The following TRIQK variants were observed in gnomAD, a reference collection of about 807,000 sequenced individuals.
TRIQK encodes triple QxxK/R motif containing.
TRIQK carries 10 observed loss-of-function variants against 10.8 expected under a neutral mutation model. The observed-to-expected ratio is 0.92, with a 90% CI of 0.57 to 1.57. TRIQK has a LOEUF of 1.57. TRIQK is among the 40% of genes most tolerant of loss of function. The probability of loss-of-function intolerance (pLI) is 0.00; values close to 1 mark genes in which losing one functional copy is unlikely to be tolerated. For synonymous variants in TRIQK, 33 were observed against 33.7 expected (o/e 0.98, Z 0.07); for missense variants, 107 against 97.7 (o/e 1.09, Z -0.40).
intron 1 of TRIQK, among the ~76,000 whole-genome samples, chr8:93,017,207 G>C (rs529598192): frequency 6.7e-6 from 1 of 150,052 alleles, no homozygotes. Flanking sequence ...GGAAGCTATT[G>C]CTCTGGGGAG....
intron 2 of TRIQK, among the ~76,000 whole-genome samples, chr8:92,940,356 C>G (rs1457630755): frequency 6.9e-6 from 1 of 144,592 alleles, no homozygotes; most frequent in African/African-American, 2.5e-5. Flanking sequence ...AAAAAAGACC[C>G]AACTGTATAT....
rs1383906256 is a variant in TRIQK, at chr8:92,884,441, T to C, written c.*2181A>G. 5.1e-6 allele frequency: 1 copy of C among 196,140 alleles called. No homozygotes were observed. The highest frequency in any genetic ancestry group is 1.1e-5 in the Non-Finnish European group (1 of 94,558). The allele number at this position is 196,140 out of a possible 1,614,324, so 12.1% of individuals were successfully genotyped here. ...GTTTAGCCTTTGAAATTTATGGTTC[T>C]CTGGAGCTATCATAAATCAATCAGT... is the stretch of plus-strand genomic sequence containing the variant. On this transcript the variant is annotated 3_prime_UTR_variant, in exon 5 of 5. Transcript: ENST00000521988.
rs750593560 is a variant in TRIQK, at chr8:92,916,968, T to A, written c.22A>T (p.Thr8Ser). 6.6e-7 allele frequency: 1 copy of A among 1,511,186 alleles called. No individual in the cohort carries two copies. The highest frequency in any genetic ancestry group is 8.8e-7 in the Non-Finnish European group (1 of 1,135,646). 93.6% of individuals were successfully genotyped at this position (1,511,186 alleles called of 1,614,324 possible). A position where few individuals can be genotyped will look rare whatever the true frequency, so the allele number is the denominator to read the frequency against. Residue 8 changes from threonine (T) to serine (S), a missense_variant, in exon 3 of 5, where the codon ACT becomes TCT. Coordinates refer to ENST00000521988, the MANE Select transcript of TRIQK (RefSeq NM_001171797.2). MGRKDAA[T>S]IKLPVDQYRK... ...TACTGATCAACAGGAAGTTTTATAG[T>A]AGCAGCATCTTTTCTACCCATCTTT...
At chr8:92,959,188 G>A (rs1378855040) in intron 1 of TRIQK, among the ~76,000 whole-genome samples, 3 of 151,812 alleles carry the variant, frequency 2.0e-5, no homozygotes, top group Non-Finnish European at 4.4e-5. Context: ...CAAGCTCACG[G>A]ATCATAGGAT....
chr8:92,988,179 T>TA (rs1813057316), intron 1 of TRIQK, among the ~76,000 whole-genome samples: 1 of 145,438 alleles, frequency 6.9e-6, no homozygotes, highest in African/African-American at 2.5e-5. Flanking sequence ...CCCGGCTAAA[T>TA]TTTTTTTTTT....
At chr8:92,964,127 G>T (rs1485930319) in intron 1 of TRIQK, among the ~76,000 whole-genome samples, 1 of 151,984 alleles carries the variant, frequency 6.6e-6, no homozygotes, top group Non-Finnish European at 1.5e-5. Flanking sequence ...CCCCAAAAGG[G>T]AACTGCAGAT....
intron 1 of TRIQK, among the ~76,000 whole-genome samples, chr8:93,014,434 T>C (rs1033045821): frequency 2.6e-5 from 4 of 152,050 alleles, no homozygotes; most frequent in Admixed American, 6.6e-5. Flanking sequence ...AACATTTGCA[T>C]TGAGAAAATT....
intron 1 of TRIQK, among the ~76,000 whole-genome samples, chr8:93,017,105 T>C (rs527727976): frequency 1.3e-4 from 18 of 136,622 alleles, no homozygotes; most frequent in Non-Finnish European, 2.7e-4. Flanking sequence ...GCAATATATA[T>C]ACTTGGAGAG....
chr8:92,977,581 G>C (rs1812946060), intron 1 of TRIQK, among the ~76,000 whole-genome samples: 1 of 151,978 alleles, frequency 6.6e-6, no homozygotes, highest in Non-Finnish European at 1.5e-5. Flanking sequence ...TGGGAAGATA[G>C]TTATAACTGC....
rs556097668 is a variant in TRIQK at position 93,007,989 on chromosome 8, A to T, written c.-181+9620T>A. On this transcript the variant is annotated intron_variant, in intron 1 of 4. Transcript: ENST00000520686. ...AAAGAAACGAGACCATGTCCTTTGC[A>T]GGGACATGGATGGAGCTGGAAGCCA... Among the ~76,000 whole-genome samples the T allele has an allele frequency of 1.3e-4, 20 of 152,340 alleles. No individual in the cohort carries two copies. In the East Asian group the frequency reaches 3.7e-3, roughly 28 times the overall value.
intron 3 of TRIQK, among the ~76,000 whole-genome samples, chr8:92,901,961 A>G (rs1352002498): frequency 3.3e-5 from 5 of 152,100 alleles, no homozygotes; most frequent in South Asian, 4.2e-4. Context: ...TCATGGTTCA[A>G]TCTTAGTGAG....
chr8:92,924,313 T>C (rs1290226228), intron 2 of TRIQK, among the ~76,000 whole-genome samples: 3 of 152,058 alleles, frequency 2.0e-5, no homozygotes, highest in Non-Finnish European at 4.4e-5. Context: ...ATTGAAATGA[T>C]GACACATTTC....
intron 2 of TRIQK, among the ~76,000 whole-genome samples, chr8:92,929,055 C>G (rs904458794): frequency 2.6e-5 from 4 of 152,080 alleles, no homozygotes; most frequent in African/African-American, 9.7e-5. Flanking sequence ...GGCAATGAGG[C>G]AGAGGAAAAA....
chr8:93,008,506 C>G (rs1813296669), intron 1 of TRIQK, among the ~76,000 whole-genome samples: 1 of 151,920 alleles, frequency 6.6e-6, no homozygotes, highest in Admixed American at 6.6e-5. Context: ...AGAAATAATC[C>G]TGGAACTACA....
chr8:92,926,019 G>T (rs956658268), intron 2 of TRIQK, among the ~76,000 whole-genome samples: 1 of 152,030 alleles, frequency 6.6e-6, no homozygotes, highest in Non-Finnish European at 1.5e-5. Flanking sequence ...GGCAGAGCTT[G>T]CAGTGAGCCA....
Position 92,884,858 on chromosome 8 carries a change from G to C in TRIQK, c.*1764C>G, listed in dbSNP as rs898155147. On this transcript the variant is annotated 3_prime_UTR_variant, in exon 5 of 5. Transcript: ENST00000521988. Reference sequence around the variant, plus strand: ...AATGTGATGGGAGTGGGGGGGTGGGGAGCAGTATTTCTTGACATGTGGCAT... The same window carrying C: ...AATGTGATGGGAGTGGGGGGGTGGGCAGCAGTATTTCTTGACATGTGGCAT... 6.6e-6 allele frequency: 3 copies of C among 455,766 alleles called. No homozygotes were observed. The highest frequency in any genetic ancestry group is 2.0e-5 in the African/African-American group (1 of 49,906). 28.2% of individuals were successfully genotyped at this position (455,766 alleles called of 1,614,324 possible).
chr8:92,994,185 C>T (rs191183299), intron 1 of TRIQK, among the ~76,000 whole-genome samples: 3 of 152,078 alleles, frequency 2.0e-5, no homozygotes, highest in South Asian at 2.1e-4. Context: ...AATATTGTAT[C>T]GTGTATACAG....
chr8:92,949,171 A>T (rs530966965), intron 2 of TRIQK, among the ~76,000 whole-genome samples: 1 of 152,192 alleles, frequency 6.6e-6, no homozygotes, highest in African/African-American at 2.4e-5. Flanking sequence ...TTAGAGAATT[A>T]TTCTTTGCTC....
intron 3 of TRIQK, among the ~76,000 whole-genome samples, chr8:92,910,553 C>T (rs1809516534): frequency 6.6e-6 from 1 of 150,668 alleles, no homozygotes; most frequent in South Asian, 2.1e-4. Flanking sequence ...ATTAAATTTG[C>T]TTGCTTGAAA....
Sources: gnomAD v4.1 joint callset for allele counts (sites outside exome capture counted in the v4.1 genomes callset) on GRCh38, gnomAD v4.1.1 for gene constraint, MANE v1.5 for transcripts, NCBI Gene and HGNC (gene_info 2026-07-23, HGNC 2026-07-21) for gene names.